Variants in GTF2F2 observed in about 807,000 individuals in gnomAD.
The protein encoded by GTF2F2 is general transcription factor IIF subunit 2, also known as ATP-dependent helicase GTF2F2.
Under a neutral mutation model 42.2 loss-of-function variants are expected in GTF2F2, and 23 were observed. That is an observed-to-expected ratio of 0.55 (90% confidence interval 0.39 to 0.77). The LOEUF (loss-of-function observed/expected upper bound fraction) is 0.77, where lower values mean the gene tolerates loss of function less well. Ranked by LOEUF, GTF2F2 falls within the 30% of genes least tolerant of loss-of-function variation. The pLI is 0.00. For missense variants in GTF2F2, 261 were observed against 287.2 expected (o/e 0.91, Z 0.66); for synonymous variants, 105 against 100.8 (o/e 1.04, Z -0.25).
intron 4 of GTF2F2, chr13:45,192,715 G>A (rs1053652966): frequency 5.3e-5 from 8 of 152,160 alleles, no homozygotes; most frequent in African/African-American, 1.7e-4. Flanking sequence ...TTGGCATGAA[G>A]TAATGTTAAC....
chr13:45,263,603 T>G (rs1379579879), intron 6 of GTF2F2: 3 of 152,330 alleles, frequency 2.0e-5, no homozygotes, highest in African/African-American at 7.2e-5. Flanking sequence ...TGCTTCCAGG[T>G]GGCTATCCTC....
chr13:45,199,722 A>G (rs1490438916), intron 4 of GTF2F2, among the ~76,000 whole-genome samples: 2 of 152,252 alleles, frequency 1.3e-5, no homozygotes, highest in Non-Finnish European at 2.9e-5. Context: ...ACCATTATCT[A>G]CAATCTCAAA....
At chr13:45,171,300 A>T (rs1871587641) in intron 4 of GTF2F2, among the ~76,000 whole-genome samples, 1 of 151,910 alleles carries the variant, frequency 6.6e-6, no homozygotes, top group African/African-American at 2.4e-5. Context: ...GCTGATCTCG[A>T]ATTGGTGATC....
rs1237337924 is a variant in GTF2F2, at chr13:45,181,189, CAAA to C, written c.305-26223_305-26221del. ...CTCAAAAGACAAAAAAACAAACAAA[CAAA>C]AAAAAAAAAAACCAGAAAAACCAAA... On this transcript the variant is annotated intron_variant, in intron 4 of 7. Coordinates refer to ENST00000340473, the MANE Select transcript of GTF2F2 (RefSeq NM_004128.3). Among the ~76,000 whole-genome samples, 100 of 116,464 alleles carry C rather than the reference CAAA, an allele frequency of 8.6e-4. 1 individual carries two copies. The highest frequency in any genetic ancestry group is 3.4e-3 in the African/African-American group (95 of 28,230). 76.4% of individuals were successfully genotyped at this position (116,464 alleles called of 152,430 possible).
chr13:45,263,836 A>G lies in GTF2F2; in HGVS notation c.487-3397A>G, dbSNP rs1025960002. The G allele has an allele frequency of 4.0e-5, 7 of 172,994 alleles. No homozygotes were observed. In the East Asian group the frequency reaches 1.1e-3, roughly 26 times the overall value. The allele number at this position is 172,994 out of a possible 1,614,324, so 10.7% of individuals were successfully genotyped here. ...TGTGCTGAAGCAAGAAATAAGGCATATGCAGATTTCTTCAGAAATTAGGAT... is the reference window on the plus strand; with the variant it reads ...TGTGCTGAAGCAAGAAATAAGGCATGTGCAGATTTCTTCAGAAATTAGGAT... On this transcript the variant is annotated intron_variant, in intron 6 of 7. Coordinates refer to ENST00000340473, the MANE Select transcript of GTF2F2 (RefSeq NM_004128.3).
chr13:45,200,920 C>T (rs182085758), intron 4 of GTF2F2, among the ~76,000 whole-genome samples: 21 of 152,244 alleles, frequency 1.4e-4, no homozygotes, highest in Middle Eastern at 3.4e-3. Context: ...AGAGTAACTT[C>T]GAGGTCTGGA....
intron 5 of GTF2F2, among the ~76,000 whole-genome samples, chr13:45,210,365 C>T (rs540467031): frequency 6.6e-6 from 1 of 152,286 alleles, no homozygotes; most frequent in South Asian, 2.1e-4. Context: ...TCTTTTTTGC[C>T]TGGAACAGCC....
At chr13:45,158,077 T>C (rs114868291) in intron 4 of GTF2F2, among the ~76,000 whole-genome samples, 494 of 152,340 alleles carry the variant, frequency 3.2e-3, no homozygotes, top group African/African-American at 0.012. Flanking sequence ...GAATCACATA[T>C]ACACATTTCT....
intron 7 of GTF2F2, among the ~76,000 whole-genome samples, chr13:45,279,595 T>C (rs1277075708): frequency 6.6e-6 from 1 of 152,198 alleles, no homozygotes; most frequent in Non-Finnish European, 1.5e-5. Flanking sequence ...GTCTCTGTGA[T>C]GTGCACGCAG....
intron 4 of GTF2F2, among the ~76,000 whole-genome samples, chr13:45,190,270 A>G (rs1299582899): frequency 1.3e-5 from 2 of 152,260 alleles, no homozygotes; most frequent in Non-Finnish European, 2.9e-5. Context: ...ATGACATGAC[A>G]TTAAAAATAT....
chr13:45,194,270 A>G (rs749838383), intron 4 of GTF2F2: 50 of 1,614,054 alleles, frequency 3.1e-5, no homozygotes, highest in Non-Finnish European at 4.0e-5. Flanking sequence ...CCTTCGGGCA[A>G]TAGAAGTTCT....
intron 2 of GTF2F2, 58 bp from the exon 3 acceptor site, chr13:45,149,712 C>T (rs1870387138): frequency 2.8e-6 from 4 of 1,430,422 alleles, no homozygotes; most frequent in African/African-American, 3.0e-5. Context: ...TCTTAACTCA[C>T]ATTTGAAAAC....
At position 45,120,682 on chromosome 13, in the gene GTF2F2, G is replaced by C; in HGVS notation, c.27G>C (p.Leu9Phe). The C allele has an allele frequency of 6.4e-7, 1 of 1,561,684 alleles. No homozygotes were observed. Among genetic ancestry groups the C allele is most frequent in the Middle Eastern group, 1.7e-4 (1 of 5,996 alleles). MAERGELD[L>F]TGAKQNTGVW... is the part of the protein sequence containing the mutation. The stretch of plus-strand genomic sequence containing the variant: ...TGGCCGAGCGCGGGGAACTCGACTT[G>C]ACCGGCGCCAAACAGAACACAGGAG... The change falls in exon 1 of 8, where the codon TTG (leucine) becomes TTC (phenylalanine). Residue 9 changes from leucine (L) to phenylalanine (F), a missense_variant. Leu to Phe is a conservative substitution (Grantham distance 22). Transcript: ENST00000340473.
At chr13:45,133,929 G>T (rs1869489092) in intron 1 of GTF2F2, among the ~76,000 whole-genome samples, 2 of 152,172 alleles carry the variant, frequency 1.3e-5, no homozygotes, top group Admixed American at 1.3e-4. Flanking sequence ...ACACCCCATG[G>T]TCTCTCTCTG....
At chr13:45,279,282 A>C (rs1877162321) in intron 7 of GTF2F2, among the ~76,000 whole-genome samples, 1 of 152,240 alleles carries the variant, frequency 6.6e-6, no homozygotes, top group Non-Finnish European at 1.5e-5. Flanking sequence ...AAGATTACCA[A>C]GTAATTTTCA....
chr13:45,221,120 C>T (rs929390438), intron 5 of GTF2F2, among the ~76,000 whole-genome samples: 5 of 152,066 alleles, frequency 3.3e-5, no homozygotes, highest in African/African-American at 9.7e-5. Context: ...ACTTCACATG[C>T]GTAAAATTGA....
At chr13:45,138,018 T>TA (rs1250839838) in intron 2 of GTF2F2, among the ~76,000 whole-genome samples, 2 of 152,166 alleles carry the variant, frequency 1.3e-5, no homozygotes, top group Non-Finnish European at 2.9e-5. Context: ...AAGAGTCAAC[T>TA]AGCAGCTCTC....
chr13:45,146,674 TA>T (rs1415881868), intron 2 of GTF2F2, among the ~76,000 whole-genome samples: 3 of 152,102 alleles, frequency 2.0e-5, no homozygotes, highest in African/African-American at 7.2e-5. Flanking sequence ...TAATACAAAT[TA>T]AGAAAGGCAA....
At chr13:45,257,053 T>G (rs1211310924) in intron 6 of GTF2F2, among the ~76,000 whole-genome samples, 3 of 152,156 alleles carry the variant, frequency 2.0e-5, no homozygotes, top group Non-Finnish European at 4.4e-5. Flanking sequence ...TTCACCCACC[T>G]ATGGCAAATA....
Sources: allele counts gnomAD v4.1 joint callset (sites outside exome capture counted in the v4.1 genomes callset), GRCh38; gene constraint gnomAD v4.1.1; transcripts MANE v1.5; gene names NCBI Gene and HGNC (gene_info 2026-07-23, HGNC 2026-07-21).